The following SLIT2 variants were observed in gnomAD, a reference collection of about 807,000 sequenced individuals.
The protein encoded by SLIT2 is slit guidance ligand 2.
In SLIT2, 41 loss-of-function variants were observed where a neutral mutation model predicts 185.7. The observed-to-expected ratio is 0.22, with a 90% CI of 0.17 to 0.29. SLIT2 has a LOEUF of 0.29. Among genes scored for constraint, SLIT2 ranks in the 10% least tolerant of loss-of-function variants. The pLI, the probability that SLIT2 is intolerant of heterozygous loss-of-function variation, is 1.00. For synonymous variants in SLIT2, 693 were observed against 680.2 expected, an observed-to-expected ratio of 1.02 and a Z score of -0.29; for missense variants, 1,571 against 1,909.0, an observed-to-expected ratio of 0.82 and a Z score of 3.30.
chr4:20,611,277 ATTTCTG>A, intron 34 of SLIT2, among the ~76,000 whole-genome samples: 1 of 152,246 alleles, frequency 6.6e-6, no homozygotes, highest in Non-Finnish European at 1.5e-5. Flanking sequence ...AGCCTAGGAC[ATTTCTG>A]TTTTAATAAT....
At chr4:20,517,339 T>C (rs962852176) in intron 11 of SLIT2, among the ~76,000 whole-genome samples, 4 of 152,176 alleles carry the variant, frequency 2.6e-5, no homozygotes, top group Non-Finnish European at 5.9e-5. Context: ...ACATAGTAAG[T>C]GCACAATCTC....
intron 4 of SLIT2, among the ~76,000 whole-genome samples, chr4:20,405,061 A>G (rs574361925): frequency 1.3e-5 from 2 of 152,014 alleles, no homozygotes; most frequent in South Asian, 4.1e-4. Context: ...TACATGTTCT[A>G]TGCCAGATAT....
In SLIT2 at chr4:20,555,607, C is replaced by T. The variant is rs569341600; in HGVS notation, c.2725+1639C>T. Among the ~76,000 whole-genome samples the T allele has an allele frequency of 2.6e-4, 39 of 152,168 alleles. No individual in the cohort carries two copies. The Middle Eastern group carries it at 0.01, about 40-fold the overall frequency. On this transcript the variant is annotated intron_variant, in intron 26 of 36. Coordinates refer to ENST00000504154, the MANE Select transcript of SLIT2 (RefSeq NM_004787.4). ...CAAAAAAAGGTGATGTAGGACACTT[C>T]ATGGTTTATTAATAAAAAAGTAATT...
intron 32 of SLIT2, 117 bp downstream of exon 32, chr4:20,596,772 CAG>C: frequency 1.0e-6 from 1 of 980,184 alleles, no homozygotes; most frequent in Non-Finnish European, 1.5e-6. Context: ...CAGTTAAAAA[CAG>C]AAAATGCTCC....
At chr4:20,584,904 A>C (rs1374527801) in intron 29 of SLIT2, among the ~76,000 whole-genome samples, 1 of 152,098 alleles carries the variant, frequency 6.6e-6, no homozygotes, top group Non-Finnish European at 1.5e-5. Flanking sequence ...AAAATACAAA[A>C]ATTAGCTGGG....
At chr4:20,542,691 A>T (rs908079776) in intron 21 of SLIT2, 65 bp downstream of exon 21, 1 of 1,491,502 alleles carries the variant, frequency 6.7e-7, no homozygotes, top group South Asian at 1.2e-5. Context: ...ATACACCCAG[A>T]GGAATGGACA....
chr4:20,261,764 A>T (rs890439012), intron 3 of SLIT2, among the ~76,000 whole-genome samples: 1 of 151,888 alleles, frequency 6.6e-6, no homozygotes, highest in Non-Finnish European at 1.5e-5. Flanking sequence ...AAGAATCAGT[A>T]GCATACTGTG....
At chr4:20,338,204 T>C (rs1386174350) in intron 4 of SLIT2, among the ~76,000 whole-genome samples, 1 of 152,236 alleles carries the variant, frequency 6.6e-6, no homozygotes, top group Non-Finnish European at 1.5e-5. Flanking sequence ...TAAGGATTTC[T>C]CTTCCCTTGT....
intron 4 of SLIT2, among the ~76,000 whole-genome samples, chr4:20,387,194 A>G (rs753787828): frequency 1.3e-5 from 2 of 152,090 alleles, no homozygotes; most frequent in East Asian, 1.9e-4. Context: ...CTTAACCTTT[A>G]TTGTTGTTCT....
At chr4:20,570,076 G>A (rs577510881) in intron 29 of SLIT2, among the ~76,000 whole-genome samples, 2 of 152,088 alleles carry the variant, frequency 1.3e-5, no homozygotes, top group East Asian at 3.9e-4. Flanking sequence ...AATGAGGCTC[G>A]GTTTTGGCAA....
intron 33 of SLIT2, 74 bp downstream of exon 33, chr4:20,598,469 A>G: frequency 1.9e-6 from 3 of 1,552,174 alleles, no homozygotes; most frequent in Non-Finnish European, 2.7e-6. Flanking sequence ...CTATCATTTT[A>G]TTATGGAGAG....
intron 22 of SLIT2, among the ~76,000 whole-genome samples, chr4:20,547,579 A>G (rs987243821): frequency 5.3e-5 from 8 of 152,012 alleles, no homozygotes; most frequent in African/African-American, 1.7e-4. Flanking sequence ...TAATAAAGGA[A>G]TAGATTATCC....
At chr4:20,315,918 G>A (rs991334615) in intron 4 of SLIT2, among the ~76,000 whole-genome samples, 6 of 151,662 alleles carry the variant, frequency 4.0e-5, no homozygotes, top group African/African-American at 1.5e-4. Flanking sequence ...ATGATATTTT[G>A]AGGGCCATTA....
At chr4:20,562,473 A>C (rs1357098995) in intron 26 of SLIT2, among the ~76,000 whole-genome samples, 1 of 151,738 alleles carries the variant, frequency 6.6e-6, no homozygotes, top group Non-Finnish European at 1.5e-5. Context: ...GGCTTGCAGA[A>C]ACTTGAAACA....
chr4:20,472,557 T>TATAG lies in SLIT2; in HGVS notation c.467+4737_467+4738insGATA, dbSNP rs1560455137. Among the ~76,000 whole-genome samples the TATAG allele has an allele frequency of 2.7e-3, 67 of 24,470 alleles. 18 individuals are homozygous for TATAG. The highest frequency in any genetic ancestry group is 0.018 in the African/African-American group (63 of 3,480). The allele number at this position is 24,470 out of a possible 152,430, so 16.1% of individuals were successfully genotyped here. The stretch of plus-strand genomic sequence containing the variant: ...AGATATATCTATATCTATATATAGA[T>TATAG]ATATATCTATATATAGATATATCTA... On this transcript the variant is annotated intron_variant, in intron 5 of 36. Transcript: ENST00000504154.
chr4:20,593,727 C>T (rs1486823022), intron 30 of SLIT2, among the ~76,000 whole-genome samples: 1 of 151,966 alleles, frequency 6.6e-6, no homozygotes, highest in African/African-American at 2.4e-5. Context: ...TAAAACATTA[C>T]CATGTACATC....
intron 29 of SLIT2, among the ~76,000 whole-genome samples, chr4:20,573,822 G>A (rs368685951): frequency 5.3e-5 from 8 of 151,982 alleles, no homozygotes; most frequent in South Asian, 2.1e-4. Context: ...ATAGGATACC[G>A]TGACTACTAG....
intron 4 of SLIT2, among the ~76,000 whole-genome samples, chr4:20,310,013 G>A (rs911304343): frequency 2.6e-5 from 4 of 151,852 alleles, no homozygotes; most frequent in East Asian, 1.9e-4. Context: ...TGCCCGCCTC[G>A]GCCTCCCCAA....
intron 4 of SLIT2, among the ~76,000 whole-genome samples, chr4:20,360,851 CA>C (rs1376270461): frequency 6.6e-6 from 1 of 152,098 alleles, no homozygotes; most frequent in East Asian, 1.9e-4. Flanking sequence ...GCTGTATCCA[CA>C]TTACATGTAT....
Sources: gnomAD v4.1 joint callset for allele counts (sites outside exome capture counted in the v4.1 genomes callset) on GRCh38, gnomAD v4.1.1 for gene constraint, MANE v1.5 for transcripts, NCBI Gene and HGNC (gene_info 2026-07-23, HGNC 2026-07-21) for gene names.